The following MID1 variants were observed in gnomAD, a reference collection of about 807,000 sequenced individuals.
MID1 encodes midline 1.
A neutral mutation model predicts 40.4 loss-of-function variants in MID1; 7 were observed. That is an observed-to-expected ratio of 0.17 (90% CI 0.10 to 0.33). The LOEUF is 0.33. Among genes scored for constraint, MID1 ranks in the 10% least tolerant of loss-of-function variants. MID1 has a pLI of 1.00. For synonymous variants in MID1, 229 were observed against 221.2 expected, an observed-to-expected ratio of 1.04 and a Z score of -0.31; for missense variants, 367 against 558.5, an observed-to-expected ratio of 0.66 and a Z score of 3.46.
intron 1 of MID1, among the ~76,000 whole-genome samples, chrX:10,688,972 T>G (rs1166749079): frequency 1.8e-5 from 2 of 109,753 alleles, no homozygotes; most frequent in Non-Finnish European, 3.8e-5. Flanking sequence ...GGTGGATGGA[T>G]GTTGAGTATC....
chrX:10,519,692 A>T (rs1932615204), intron 3 of MID1, among the ~76,000 whole-genome samples: 1 of 111,849 alleles, frequency 8.9e-6, no homozygotes, highest in Non-Finnish European at 1.9e-5. Flanking sequence ...TCCCTCTTCC[A>T]CCTATCATAA....
chrX:10,486,469 C>T (rs1374983810), intron 4 of MID1, among the ~76,000 whole-genome samples: 1 of 111,782 alleles, frequency 8.9e-6, no homozygotes, highest in Non-Finnish European at 1.9e-5. Flanking sequence ...CCACACTTGC[C>T]CTCCCTGTCT....
intron 1 of MID1, among the ~76,000 whole-genome samples, chrX:10,694,992 C>T (rs1240655897): frequency 1.8e-5 from 2 of 111,457 alleles, no homozygotes; most frequent in East Asian, 2.8e-4. Context: ...CAGGTTAGGA[C>T]GATGAGAGGG....
intron 1 of MID1, among the ~76,000 whole-genome samples, chrX:10,710,741 T>C (rs1305618174): frequency 9.0e-6 from 1 of 111,545 alleles, no homozygotes; most frequent in African/African-American, 3.3e-5. Flanking sequence ...TCAATCACAT[T>C]AGTCAGCATG....
intron 1 of MID1, among the ~76,000 whole-genome samples, chrX:10,773,105 TATG>T (rs1453797412): frequency 1.8e-5 from 2 of 112,214 alleles, no homozygotes; most frequent in East Asian, 5.5e-4. Flanking sequence ...GTAATTCTGA[TATG>T]ATTATTGATA....
intron 1 of MID1, among the ~76,000 whole-genome samples, chrX:10,791,227 A>T (rs1416438045): frequency 8.9e-6 from 1 of 112,228 alleles, no homozygotes; most frequent in Non-Finnish European, 1.9e-5. Flanking sequence ...AGATGGGAAA[A>T]GAAAACAGTC....
At chrX:10,617,699 T>C (rs1037776331) in intron 1 of MID1, among the ~76,000 whole-genome samples, 20 of 112,037 alleles carry the variant, frequency 1.8e-4, no homozygotes, top group African/African-American at 5.8e-4. Flanking sequence ...GGAGGATATA[T>C]GCAGTTGCGG....
chrX:10,704,098 A>G (rs1355718984), intron 1 of MID1, among the ~76,000 whole-genome samples: 2 of 112,367 alleles, frequency 1.8e-5, no homozygotes, highest in African/African-American at 6.5e-5. Flanking sequence ...ATAGGAAAAG[A>G]ACATGTAAGT....
At chrX:10,634,485 T>C (rs188226999) in intron 1 of MID1, among the ~76,000 whole-genome samples, 67 of 111,843 alleles carry the variant, frequency 6.0e-4, no homozygotes, top group African/African-American at 2.0e-3. Flanking sequence ...TGGAAAGATG[T>C]GTATCCTTCC....
chrX:10,572,726 A>G (rs775201780), intron 1 of MID1, among the ~76,000 whole-genome samples: 1 of 111,970 alleles, frequency 8.9e-6, no homozygotes, highest in East Asian at 2.8e-4. Context: ...CCTATAGCTT[A>G]ACATTTTTGT....
At chrX:10,758,853 T>G (rs1459296590) in intron 1 of MID1, among the ~76,000 whole-genome samples, 1 of 111,713 alleles carries the variant, frequency 9.0e-6, no homozygotes, top group Non-Finnish European at 1.9e-5. Context: ...TATGTCTTGT[T>G]TGTAAGCTTC....
intron 2 of MID1, among the ~76,000 whole-genome samples, chrX:10,558,829 G>A (rs1015480809): frequency 4.4e-5 from 5 of 112,709 alleles, no homozygotes; most frequent in Non-Finnish European, 9.4e-5. Context: ...AGGTGCCCAA[G>A]AATTACGTTT....
chrX:10,669,082 G>T (rs180813940), intron 1 of MID1, among the ~76,000 whole-genome samples: 2,006 of 106,087 alleles, frequency 0.019, 30 homozygotes, highest in African/African-American at 0.037. Flanking sequence ...AGCCGGGCGC[G>T]GTGGCGGGCG....
At chrX:10,783,390 C>T (rs1361393267) in intron 1 of MID1, among the ~76,000 whole-genome samples, 2 of 111,807 alleles carry the variant, frequency 1.8e-5, no homozygotes, top group African/African-American at 6.5e-5. Flanking sequence ...ATTTACTTCC[C>T]TCCTTGTTTT....
chrX:10,559,517 G>A (rs750084896), intron 2 of MID1, among the ~76,000 whole-genome samples: 9 of 112,556 alleles, frequency 8.0e-5, no homozygotes, highest in African/African-American at 2.9e-4. Flanking sequence ...ACTATATAGG[G>A]TTACACAAAG....
intron 3 of MID1, chrX:10,501,514 A>G: frequency 8.7e-7 from 1 of 1,153,070 alleles, no homozygotes; most frequent in Non-Finnish European, 1.1e-6. Context: ...TTCCTAGGGT[A>G]ATACTGCTGC....
intron 2 of MID1, among the ~76,000 whole-genome samples, chrX:10,554,497 G>A (rs1248203258): frequency 1.8e-5 from 2 of 111,919 alleles, no homozygotes; most frequent in African/African-American, 3.2e-5. Context: ...TCAGATGAAC[G>A]TTTTATTGAT....
At chrX:10,559,336 C>G (rs1934243762) in intron 2 of MID1, among the ~76,000 whole-genome samples, 1 of 111,995 alleles carries the variant, frequency 8.9e-6, no homozygotes, top group Non-Finnish European at 1.9e-5. Flanking sequence ...AAAATTAGTA[C>G]AAACAGAATT....
At chrX:10,651,041 A>G (rs1392237527) in intron 1 of MID1, among the ~76,000 whole-genome samples, 1 of 111,842 alleles carries the variant, frequency 8.9e-6, no homozygotes, top group East Asian at 2.8e-4. Context: ...ATGGCTTGAC[A>G]CAATAAAGGT....
Sources: allele counts gnomAD v4.1 joint callset (sites outside exome capture counted in the v4.1 genomes callset), GRCh38; gene constraint gnomAD v4.1.1; transcripts MANE v1.5; gene names NCBI Gene and HGNC (gene_info 2026-07-23, HGNC 2026-07-21).